Variants in MAPKAP1 observed in about 807,000 individuals in gnomAD.
The protein encoded by MAPKAP1 is target of rapamycin complex 2 subunit MAPKAP1.
MAPKAP1 carries 20 observed loss-of-function variants against 65.7 expected under a neutral mutation model. That is an observed-to-expected ratio of 0.30 (90% CI 0.21 to 0.44). The LOEUF (loss-of-function observed/expected upper bound fraction) is 0.44, where lower values mean the gene tolerates loss of function less well. Ranked by LOEUF, MAPKAP1 falls within the 20% of genes least tolerant of loss-of-function variation. MAPKAP1 has a pLI of 1.00. For synonymous variants in MAPKAP1, 222 were observed against 244.3 expected, an observed-to-expected ratio of 0.91 and a Z score of 0.85; for missense variants, 423 against 648.0, an observed-to-expected ratio of 0.65 and a Z score of 3.77.
chr9:125,532,920 G>A (rs1419783295), intron 7 of MAPKAP1, among the ~76,000 whole-genome samples: 1 of 152,168 alleles, frequency 6.6e-6, no homozygotes, highest in East Asian at 1.9e-4. Context: ...AAGCAATCAG[G>A]TAACAGAAGT....
intron 10 of MAPKAP1, among the ~76,000 whole-genome samples, chr9:125,464,482 G>A (rs1853610392): frequency 6.6e-6 from 1 of 152,124 alleles, no homozygotes; most frequent in Non-Finnish European, 1.5e-5. Context: ...AATCTAGAAA[G>A]ACAGGATTTA....
rs1357329809 is a variant in MAPKAP1, at chr9:125,444,588, T to C, written c.1356A>G (p.Ile452Met). Residue 452 changes from isoleucine to methionine, a missense_variant, in exon 11 of 12, where the codon ATA (isoleucine) becomes ATG (methionine). Ile to Met is a conservative substitution (Grantham distance 10). This residue lies in a region of MAPKAP1 where 185 missense variants were observed against 268.1 expected (regional missense o/e 0.69). Transcript: ENST00000265960. ...GATTGCTTAGATACGTGAGTTTAAATATTGCGTGACCTGCAGAGACAGAAA... is the reference window on the plus strand; with the variant it reads ...GATTGCTTAGATACGTGAGTTTAAACATTGCGTGACCTGCAGAGACAGAAA... ...LAEEKSPSHA[I>M]FKLTYLSNHD... The C allele has an allele frequency of 2.5e-6, 4 of 1,612,904 alleles. No individual in the cohort carries two copies. Among genetic ancestry groups the C allele is most frequent in the Middle Eastern group, 1.7e-4 (1 of 6,060 alleles).
At chr9:125,527,965 C>T (rs1048832604) in intron 7 of MAPKAP1, among the ~76,000 whole-genome samples, 2 of 152,172 alleles carry the variant, frequency 1.3e-5, no homozygotes, top group African/African-American at 2.4e-5. Flanking sequence ...AAGTGGTGGC[C>T]TCAGGTGTGG....
chr9:125,699,502 CA>C (rs1478413905), intron 1 of MAPKAP1, among the ~76,000 whole-genome samples: 1 of 152,018 alleles, frequency 6.6e-6, no homozygotes, highest in East Asian at 1.9e-4. Context: ...CTCACCCAGC[CA>C]GTATTTTTAA....
chr9:125,642,527 C>T (rs974408065), intron 4 of MAPKAP1, among the ~76,000 whole-genome samples: 1 of 152,196 alleles, frequency 6.6e-6, no homozygotes, highest in Non-Finnish European at 1.5e-5. Context: ...CATTAACATA[C>T]TAAATCACAC....
At chr9:125,629,147 T>A (rs562149518) in intron 4 of MAPKAP1, among the ~76,000 whole-genome samples, 2 of 151,952 alleles carry the variant, frequency 1.3e-5, no homozygotes, top group Non-Finnish European at 2.9e-5. Flanking sequence ...CTGTGCACTG[T>A]TGGTAGAAAT....
intron 1 of MAPKAP1, among the ~76,000 whole-genome samples, chr9:125,677,091 C>T (rs550259491): frequency 5.3e-5 from 8 of 152,308 alleles, no homozygotes; most frequent in African/African-American, 1.9e-4. Context: ...GCTGTCTCTT[C>T]AGGCCTTGAA....
intron 10 of MAPKAP1, among the ~76,000 whole-genome samples, chr9:125,446,047 G>A (rs1321036220): frequency 6.6e-6 from 1 of 152,088 alleles, no homozygotes; most frequent in Non-Finnish European, 1.5e-5. Flanking sequence ...CTTCTCATCC[G>A]TTGTCCTTTT....
At chr9:125,526,152 G>A (rs1196079093) in intron 7 of MAPKAP1, among the ~76,000 whole-genome samples, 1 of 152,136 alleles carries the variant, frequency 6.6e-6, no homozygotes, top group Non-Finnish European at 1.5e-5. Flanking sequence ...CTCATCACAG[G>A]GTTTACATTT....
At position 125,707,110 on chromosome 9, in the gene MAPKAP1, C is replaced by T. The variant is rs946492568; in HGVS notation, c.-209G>A. 2.0e-5 allele frequency: 8 copies of T among 398,182 alleles called. No individual in the cohort carries two copies. Among genetic ancestry groups the T allele is most frequent in the Non-Finnish European group, 4.4e-6 (1 of 225,826 alleles). 24.7% of individuals were successfully genotyped at this position (398,182 alleles called of 1,614,324 possible). ...CACGGGGACCGGCGCTCCTCCCGGCCCGCTCAGCTGCCGCTTCCCGGGTTA... is the reference window on the plus strand; with the variant it reads ...CACGGGGACCGGCGCTCCTCCCGGCTCGCTCAGCTGCCGCTTCCCGGGTTA... On this transcript the variant is annotated 5_prime_UTR_variant, in exon 1 of 12. Coordinates refer to ENST00000265960, the MANE Select transcript of MAPKAP1 (RefSeq NM_001006617.3).
At chr9:125,676,906 T>C (rs1206431578) in intron 1 of MAPKAP1, among the ~76,000 whole-genome samples, 1 of 152,222 alleles carries the variant, frequency 6.6e-6, no homozygotes, top group Non-Finnish European at 1.5e-5. Context: ...CCCAAAGCTT[T>C]TAAATTATGT....
intron 7 of MAPKAP1, among the ~76,000 whole-genome samples, chr9:125,540,219 T>C (rs1830202035): frequency 6.6e-6 from 1 of 152,224 alleles, no homozygotes; most frequent in Admixed American, 6.5e-5. Context: ...TTTTCACAAA[T>C]GAAAACTGGG....
chr9:125,438,556 G>A lies in MAPKAP1; in HGVS notation c.*331C>T, dbSNP rs1259581749. 14 of 411,476 alleles carry A rather than the reference G, an allele frequency of 3.4e-5. No individual in the cohort carries two copies. The highest frequency in any genetic ancestry group is 1.3e-5 in the Non-Finnish European group (3 of 234,194). The allele number at this position is 411,476 out of a possible 1,614,324, so 25.5% of individuals were successfully genotyped here. On this transcript the variant is annotated 3_prime_UTR_variant, in exon 12 of 12. Transcript: ENST00000265960. Reference sequence around the variant, plus strand: ...TTAAGAAATTTGATCAAGTTGCAAGGAAATGTGTGGGCACGGCTCTGTACA... The same window carrying A: ...TTAAGAAATTTGATCAAGTTGCAAGAAAATGTGTGGGCACGGCTCTGTACA...
chr9:125,603,088 T>A (rs906948245), intron 4 of MAPKAP1, among the ~76,000 whole-genome samples: 1 of 151,276 alleles, frequency 6.6e-6, no homozygotes, highest in African/African-American at 2.4e-5. Context: ...CTTTTTTTTT[T>A]ATAGAGACAG....
intron 10 of MAPKAP1, among the ~76,000 whole-genome samples, chr9:125,449,004 C>CCA (rs777249110): frequency 1.3e-4 from 12 of 89,056 alleles, no homozygotes; most frequent in Non-Finnish European, 2.1e-4. Flanking sequence ...GACTCTGTCT[C>CCA]AAAAAAAAAA....
Position 125,491,485 on chromosome 9 carries a change from T to C in MAPKAP1, c.1067-6902A>G, listed in dbSNP as rs186548584. Among the ~76,000 whole-genome samples, 7 of 151,992 alleles carry C rather than the reference T, an allele frequency of 4.6e-5. No homozygotes were observed. In the East Asian group the frequency reaches 9.7e-4, roughly 21 times the overall value. On this transcript the variant is annotated intron_variant, in intron 8 of 11. Coordinates refer to ENST00000265960, the MANE Select transcript of MAPKAP1 (RefSeq NM_001006617.3). ...AAATTATAGTTACTTTTCATAAAAT[T>C]TGTCATTTGGGCCAGGCATGGTGGC...
At chr9:125,542,560 G>A (rs1830284931) in intron 7 of MAPKAP1, among the ~76,000 whole-genome samples, 1 of 151,914 alleles carries the variant, frequency 6.6e-6, no homozygotes, top group Non-Finnish European at 1.5e-5. Flanking sequence ...TAAGTTATTA[G>A]TGCACATCAA....
At chr9:125,680,466 T>C (rs1260512551) in intron 1 of MAPKAP1, among the ~76,000 whole-genome samples, 1 of 152,150 alleles carries the variant, frequency 6.6e-6, no homozygotes, top group Non-Finnish European at 1.5e-5. Context: ...AAATTAAATC[T>C]TCATTTATTT....
chr9:125,654,129 A>G (rs961860537), intron 4 of MAPKAP1, among the ~76,000 whole-genome samples: 1 of 152,196 alleles, frequency 6.6e-6, no homozygotes, highest in African/African-American at 2.4e-5. Flanking sequence ...AGGCACGTAA[A>G]TTAGTGCTGA....
Sources: gnomAD v4.1 joint callset for allele counts (sites outside exome capture counted in the v4.1 genomes callset) on GRCh38, gnomAD v4.1.1 for gene constraint, gnomAD v4.1.1 regional missense constraint, MANE v1.5 for transcripts, NCBI Gene and HGNC (gene_info 2026-07-23, HGNC 2026-07-21) for gene names.